SLC6A15: variants seen among roughly 807,000 people sequenced by gnomAD.
SLC6A15 encodes the protein sodium-dependent neutral amino acid transporter B(0)AT2.
A neutral mutation model predicts 68.5 loss-of-function variants in SLC6A15; 33 were observed. The observed-to-expected ratio is 0.48, with a 90% CI of 0.37 to 0.64. The LOEUF (loss-of-function observed/expected upper bound fraction) is 0.64, where lower values mean the gene tolerates loss of function less well. SLC6A15 is among the 30% of genes least tolerant of loss of function. SLC6A15 has a pLI of 0.00. For synonymous variants in SLC6A15, 347 were observed against 301.0 expected (o/e 1.15, Z -1.58); for missense variants, 747 against 874.3 (o/e 0.85, Z 1.84).
intron 8 of SLC6A15, among the ~76,000 whole-genome samples, chr12:84,870,957 A>C (rs1871262190): frequency 6.6e-6 from 1 of 152,132 alleles, no homozygotes; most frequent in East Asian, 1.9e-4. Context: ...AGAATGAAAA[A>C]CTATATTAAA....
chr12:84,883,244 C>A lies in SLC6A15; in HGVS notation c.756+615G>T. On this transcript the variant is annotated intron_variant, in intron 5 of 11. Coordinates refer to ENST00000266682, the MANE Select transcript of SLC6A15 (RefSeq NM_182767.6). The stretch of plus-strand genomic sequence containing the variant: ...TTAAAAATAATAACAAACAAGCTAC[C>A]TAGAATTCACTTAATGTCTTTTTAA... The A allele has an allele frequency of 3.0e-6, 3 of 985,032 alleles. No individual in the cohort carries two copies. The African/African-American group carries it at 5.2e-5, about 17-fold the overall frequency. 61.0% of individuals were successfully genotyped at this position (985,032 alleles called of 1,614,324 possible).
Position 84,891,897 on chromosome 12 carries a change from A to G in SLC6A15, c.224T>C (p.Val75Ala), listed in dbSNP as rs150860765. The stretch of plus-strand genomic sequence containing the variant: ...ATTTCCTAAACCTACAGAAAATCCA[A>G]CTTGGGCCAGGATGTATTGTAGTTT... Reference protein sequence around the residue: ...NSKLQYILAQVGFSVGLGNVW... With the variant: ...NSKLQYILAQAGFSVGLGNVW... Residue 75 changes from valine (V) to alanine (A), a missense_variant, in exon 2 of 12, where the codon GTT becomes GCT. Physicochemically the swap from Val to Ala is moderately conservative, Grantham distance 64 (BLOSUM62 0). Transcript: ENST00000266682. 2.0e-5 allele frequency: 32 copies of G among 1,613,920 alleles called. No homozygotes were observed. The highest frequency in any genetic ancestry group is 8.0e-5 in the African/African-American group (6 of 74,896).
In SLC6A15 at chr12:84,876,485, T is replaced by A; in HGVS notation, c.867+12A>T. On this transcript the variant is annotated intron_variant, in intron 6 of 11. Transcript: ENST00000266682. Reference sequence around the variant, plus strand: ...CATGATCATAAGCCTTAAATAGAAATATGGTACATACCTTAGGGGTAAACA... The same window carrying A: ...CATGATCATAAGCCTTAAATAGAAAAATGGTACATACCTTAGGGGTAAACA... 1 of 1,334,074 alleles carries A rather than the reference T, an allele frequency of 7.5e-7. No homozygotes were observed. The highest frequency in any genetic ancestry group is 1.8e-4 in the Middle Eastern group (1 of 5,496). 82.6% of individuals were successfully genotyped at this position (1,334,074 alleles called of 1,614,324 possible).
intron 1 of SLC6A15, among the ~76,000 whole-genome samples, chr12:84,895,799 A>T (rs991897165): frequency 2.0e-5 from 3 of 152,186 alleles, no homozygotes; most frequent in Non-Finnish European, 4.4e-5. Context: ...TAGAAGCCAG[A>T]TCAATTTCAC....
At chr12:84,874,236 G>A (rs1041663863) in intron 6 of SLC6A15, among the ~76,000 whole-genome samples, 2 of 151,710 alleles carry the variant, frequency 1.3e-5, no homozygotes, top group Non-Finnish European at 2.9e-5. Context: ...TTAAAATAGT[G>A]CAAACAATGG....
Position 84,870,567 on chromosome 12 carries a change from T to C in SLC6A15, c.1406A>G (p.Asn469Ser), listed in dbSNP as rs997755449. 1 of 1,612,910 alleles carries C rather than the reference T, an allele frequency of 6.2e-7. No individual in the cohort carries two copies. The highest frequency in any genetic ancestry group is 8.5e-7 in the Non-Finnish European group (1 of 1,179,418). Residue 469 changes from asparagine (N) to serine (S), a missense_variant, in exon 9 of 12, where the codon AAT becomes AGT. Coordinates refer to ENST00000266682, the MANE Select transcript of SLC6A15 (RefSeq NM_182767.6). The part of the protein sequence containing the change: ...WSVMFFLMLV[N>S]LGLGSMFGTI... ...TCCAAACATACTGCCAAGGCCTAGA[T>C]TGACCAGCATGAGGAAAAACATCAC...
intron 1 of SLC6A15, among the ~76,000 whole-genome samples, chr12:84,895,129 GA>G (rs1872583922): frequency 6.6e-6 from 1 of 151,812 alleles, no homozygotes; most frequent in South Asian, 2.1e-4. Flanking sequence ...GATAGGGGAA[GA>G]ATTGTAATTA....
chr12:84,874,456 A>C (rs1241309686), intron 6 of SLC6A15: 2 of 152,184 alleles, frequency 1.3e-5, no homozygotes. Context: ...GCCACTATTA[A>C]CTGATTCTTA....
intron 5 of SLC6A15, chr12:84,880,755 G>T: frequency 6.1e-6 from 2 of 326,560 alleles, no homozygotes; most frequent in Non-Finnish European, 8.8e-6. Flanking sequence ...AAGCAAGTAC[G>T]TTAGTAAGAG....
At chr12:84,879,133 T>C (rs1307506072) in intron 5 of SLC6A15, among the ~76,000 whole-genome samples, 1 of 151,936 alleles carries the variant, frequency 6.6e-6, no homozygotes. Context: ...ACAAGTTGTA[T>C]GCAAAAGTCA....
At chr12:84,875,428 A>T (rs1871472117) in intron 6 of SLC6A15, among the ~76,000 whole-genome samples, 1 of 151,828 alleles carries the variant, frequency 6.6e-6, no homozygotes, top group Non-Finnish European at 1.5e-5. Context: ...ACACACAAAG[A>T]ACACAGCTTC....
intron 6 of SLC6A15, among the ~76,000 whole-genome samples, chr12:84,874,933 T>A (rs1871450082): frequency 6.6e-6 from 1 of 152,056 alleles, no homozygotes; most frequent in Non-Finnish European, 1.5e-5. Flanking sequence ...TGTAATAGAG[T>A]CTTATCAACA....
intron 9 of SLC6A15, among the ~76,000 whole-genome samples, chr12:84,869,502 C>A (rs1871201909): frequency 6.8e-6 from 1 of 147,924 alleles, no homozygotes; most frequent in Non-Finnish European, 1.5e-5. Flanking sequence ...TGGGGAATTG[C>A]ACACCACTGC....
rs768685759 is a variant in SLC6A15 at position 84,867,144 on chromosome 12, G to A, written c.1545C>T (p.Arg515=). The A allele has an allele frequency of 4.8e-5, 78 of 1,611,818 alleles. No individual in the cohort carries two copies. The highest frequency in any genetic ancestry group is 2.0e-4 in the Admixed American group (12 of 59,758). ...ACATTGTAACAAAGTAATTTCCAGA[G>A]CGTTGCACAAATATCAGGCCAATAC... ...AFCIGLIFVQ[R]SGNYFVTMFD... Residue 515 remains arginine, a synonymous_variant, in exon 10 of 12, where the codon CGC becomes CGT. Coordinates refer to ENST00000266682, the MANE Select transcript of SLC6A15 (RefSeq NM_182767.6).
At chr12:84,892,998 T>A (rs1872483909) in intron 1 of SLC6A15, among the ~76,000 whole-genome samples, 1 of 152,162 alleles carries the variant, frequency 6.6e-6, no homozygotes, top group African/African-American at 2.4e-5. Context: ...TCTCACTATG[T>A]TGCCTAGGCA....
intron 5 of SLC6A15, chr12:84,881,561 C>G (rs1169042352): frequency 2.0e-6 from 2 of 985,300 alleles, no homozygotes; most frequent in Non-Finnish European, 2.4e-6. Context: ...CCTATCATAC[C>G]CCTCTTTTAA....
intron 5 of SLC6A15, chr12:84,883,495 T>C: frequency 8.1e-7 from 1 of 1,242,188 alleles, no homozygotes. Flanking sequence ...AATGAATTAC[T>C]CATTTTACCA....
At chr12:84,902,104 T>C (rs1056235223) in intron 1 of SLC6A15, among the ~76,000 whole-genome samples, 4 of 151,846 alleles carry the variant, frequency 2.6e-5, no homozygotes, top group Non-Finnish European at 5.9e-5. Context: ...ATATGAAATA[T>C]TTTTAACAAT....
chr12:84,873,044 A>G lies in SLC6A15; in HGVS notation c.1109+43T>C, dbSNP rs186506030. On this transcript the variant is annotated intron_variant, in intron 7 of 11. Transcript: ENST00000266682. ...TATCAATAAAAGTATAAATAACAAG[A>G]TAAAAACTAAGAAAAAAGGCAAATG... 85 of 1,590,936 alleles carry G rather than the reference A, an allele frequency of 5.3e-5. No individual in the cohort carries two copies. The East Asian group carries it at 1.9e-3, about 36-fold the overall frequency.
Sources: allele counts gnomAD v4.1 joint callset (sites outside exome capture counted in the v4.1 genomes callset), GRCh38; gene constraint gnomAD v4.1.1; transcripts MANE v1.5; gene names NCBI Gene and HGNC (gene_info 2026-07-23, HGNC 2026-07-21).